Variants in ATP8A2 observed in about 807,000 individuals in gnomAD.
The protein encoded by ATP8A2 is phospholipid-transporting ATPase IB.
ATP8A2 carries 100 observed loss-of-function variants against 165.6 expected under a neutral mutation model. That is an observed-to-expected ratio of 0.60 (90% CI 0.51 to 0.71). The LOEUF (loss-of-function observed/expected upper bound fraction) is 0.71, where lower values mean the gene tolerates loss of function less well. Among genes scored for constraint, ATP8A2 ranks in the 30% least tolerant of loss-of-function variants. The pLI, the probability that ATP8A2 is intolerant of heterozygous loss-of-function variation, is 0.00. For synonymous variants in ATP8A2, 543 were observed against 548.8 expected (o/e 0.99, Z 0.15); for missense variants, 1,227 against 1,479.5 (o/e 0.83, Z 2.80).
chr13:25,520,336 C>T (rs193269606), intron 2 of ATP8A2, among the ~76,000 whole-genome samples: 176 of 152,300 alleles, frequency 1.2e-3, no homozygotes, highest in African/African-American at 4.0e-3. Context: ...TATGTTGCTG[C>T]AAATGACAGG....
intron 25 of ATP8A2, among the ~76,000 whole-genome samples, chr13:25,710,662 AACACAAATGGC>A (rs1348975619): frequency 5.3e-5 from 8 of 152,324 alleles, no homozygotes; most frequent in Admixed American, 2.6e-4. Context: ...TTGTTGGGTG[AACACAAATGGC>A]ACAACCTTTG....
intron 24 of ATP8A2, among the ~76,000 whole-genome samples, chr13:25,684,194 G>A (rs2042554434): frequency 6.6e-6 from 1 of 152,240 alleles, no homozygotes; most frequent in South Asian, 2.1e-4. Context: ...AGAGTGGGAA[G>A]TTTGTATGTT....
chr13:25,775,017 G>A, intron 27 of ATP8A2, 58 bp downstream of exon 27: 1 of 970,098 alleles, frequency 1.0e-6, no homozygotes, highest in South Asian at 1.4e-5. Flanking sequence ...GATATCTTGA[G>A]GTATTTAAAG....
intron 28 of ATP8A2, 146 bp downstream of exon 28, chr13:25,828,338 G>T: frequency 1.4e-6 from 1 of 714,314 alleles, no homozygotes; most frequent in Non-Finnish European, 2.4e-6. Flanking sequence ...GCCCTTTGTT[G>T]CTGTGAAACA....
chr13:25,609,246 A>C (rs185247764), intron 24 of ATP8A2, among the ~76,000 whole-genome samples: 49 of 152,096 alleles, frequency 3.2e-4, no homozygotes, highest in Admixed American at 8.5e-4. Context: ...AATTTTAGGA[A>C]TGAGAAAAGA....
At chr13:25,881,420 AG>A (rs2138853577) in intron 33 of ATP8A2, among the ~76,000 whole-genome samples, 2 of 152,266 alleles carry the variant, frequency 1.3e-5, no homozygotes, top group African/African-American at 4.8e-5. Flanking sequence ...TTTCTGTAAA[AG>A]TTAAGGGTCC....
intron 25 of ATP8A2, among the ~76,000 whole-genome samples, chr13:25,716,843 G>A (rs3132348): frequency 0.29 from 43,636 of 152,060 alleles, 8,276 homozygotes; most frequent in African/African-American, 0.54. Flanking sequence ...AGAGGAAAAA[G>A]AAGCAAATGC....
intron 27 of ATP8A2, among the ~76,000 whole-genome samples, chr13:25,783,609 G>A (rs2044943468): frequency 6.6e-6 from 1 of 152,064 alleles, no homozygotes; most frequent in Non-Finnish European, 1.5e-5. Context: ...GGCGTGGTAG[G>A]GTAAGGGCCT....
intron 27 of ATP8A2, among the ~76,000 whole-genome samples, chr13:25,801,523 C>T (rs985315038): frequency 6.6e-6 from 1 of 152,168 alleles, no homozygotes; most frequent in African/African-American, 2.4e-5. Flanking sequence ...GATGGTACTT[C>T]TCCAGAAGTT....
At chr13:25,436,714 A>T (rs1264676248) in intron 1 of ATP8A2, among the ~76,000 whole-genome samples, 1 of 151,912 alleles carries the variant, frequency 6.6e-6, no homozygotes, top group East Asian at 1.9e-4. Flanking sequence ...ACTAATTTAC[A>T]TTCCCACCAG....
chr13:25,450,592 T>C (rs2147487), intron 1 of ATP8A2, among the ~76,000 whole-genome samples: 72,656 of 151,536 alleles, frequency 0.48, 17,763 homozygotes, highest in East Asian at 0.69. Flanking sequence ...AGTGCAGTGG[T>C]GTGATCTCGG....
At chr13:25,590,810 G>A (rs1009010452) in intron 24 of ATP8A2, among the ~76,000 whole-genome samples, 21 of 152,106 alleles carry the variant, frequency 1.4e-4, no homozygotes, top group African/African-American at 3.4e-4. Context: ...AACTCCTATC[G>A]TGAACACCAG....
At chr13:25,865,030 T>G (rs1952467400) in intron 33 of ATP8A2, among the ~76,000 whole-genome samples, 1 of 152,196 alleles carries the variant, frequency 6.6e-6, no homozygotes, top group Admixed American at 6.5e-5. Context: ...TAAACACCTT[T>G]GAAGGATTGC....
chr13:25,529,477 A>G (rs1055011681), intron 2 of ATP8A2, among the ~76,000 whole-genome samples: 3 of 152,156 alleles, frequency 2.0e-5, no homozygotes, highest in Non-Finnish European at 4.4e-5. Flanking sequence ...GACTTACTGA[A>G]AGATGTAAGA....
chr13:25,681,341 C>T (rs1286020136), intron 24 of ATP8A2, among the ~76,000 whole-genome samples: 1 of 152,184 alleles, frequency 6.6e-6, no homozygotes, highest in African/African-American at 2.4e-5. Flanking sequence ...GGGATTAATG[C>T]TAACGTTTTA....
Position 25,992,460 on chromosome 13 carries a change from C to A in ATP8A2, c.3378-20071C>A, listed in dbSNP as rs552016945. Among the ~76,000 whole-genome samples, 14 of 151,956 alleles carry A rather than the reference C, an allele frequency of 9.2e-5. No individual in the cohort carries two copies. The East Asian group carries it at 2.7e-3, about 29-fold the overall frequency. On this transcript the variant is annotated intron_variant, in intron 35 of 36. Coordinates refer to ENST00000381655, the MANE Select transcript of ATP8A2 (RefSeq NM_016529.6). ...TATTTATATGTTCTAGATGTTAGTT[C>A]TTTGTGAGACATGTGGCTTACAAAT...
intron 33 of ATP8A2, among the ~76,000 whole-genome samples, chr13:25,941,779 A>AT (rs1409747697): frequency 6.6e-6 from 1 of 152,182 alleles, no homozygotes; most frequent in East Asian, 1.9e-4. Context: ...ATTGTGGCAA[A>AT]TTTTGCACCA....
At position 25,700,312 on chromosome 13, in the gene ATP8A2, A is replaced by G. The variant is rs139867619; in HGVS notation, c.2384+967A>G. ...ACAGTTCACCTATTGAAAGCAATTC[A>G]TTGCCTTTGAGTATATTCACAAAAT... is the stretch of plus-strand genomic sequence containing the variant. On this transcript the variant is annotated intron_variant, in intron 25 of 36. Transcript: ENST00000381655. 1.9e-3 allele frequency among the ~76,000 whole-genome samples: 288 copies of G among 152,312 alleles called. 1 individual carries two copies. The highest frequency in any genetic ancestry group is 6.6e-3 in the African/African-American group (273 of 41,570).
chr13:25,479,605 G>A (rs2036099496), intron 2 of ATP8A2, among the ~76,000 whole-genome samples: 1 of 151,836 alleles, frequency 6.6e-6, no homozygotes, highest in Non-Finnish European at 1.5e-5. Flanking sequence ...GTGAACAAAG[G>A]TCTCTGGTTT....
Sources: allele counts gnomAD v4.1 joint callset (sites outside exome capture counted in the v4.1 genomes callset), GRCh38; gene constraint gnomAD v4.1.1; transcripts MANE v1.5; gene names NCBI Gene and HGNC (gene_info 2026-07-23, HGNC 2026-07-21).